The following COL1A2 variants were observed in gnomAD, a reference collection of about 807,000 sequenced individuals.
COL1A2 encodes the protein collagen type I alpha 2 chain.
A neutral mutation model predicts 174.3 loss-of-function variants in COL1A2; 49 were observed. The ratio of observed to expected loss-of-function variants is 0.28; its 90% CI spans 0.22 to 0.36. The LOEUF is 0.36. Ranked by LOEUF, COL1A2 falls within the 10% of genes least tolerant of loss-of-function variation. COL1A2 has a pLI of 1.00. For synonymous variants in COL1A2, 655 were observed against 606.6 expected (o/e 1.08, Z -1.17); for missense variants, 1,438 against 1,822.7 (o/e 0.79, Z 3.84).
intron 5 of COL1A2, among the ~76,000 whole-genome samples, chr7:94,401,197 C>G (rs1237091321): frequency 6.6e-6 from 1 of 152,098 alleles, no homozygotes; most frequent in Non-Finnish European, 1.5e-5. Flanking sequence ...AAGATGTCCT[C>G]TTGAGCTCTG....
chr7:94,396,344 C>G lies in COL1A2; in HGVS notation c.70+1243C>G, dbSNP rs62464617. On this transcript the variant is annotated intron_variant, in intron 1 of 51. Transcript: ENST00000297268. ...TGTGTGTGTGTGTGTGTGTGTGTGT[C>G]TGTGTGTCTGTGTGTCTCTTCCCCC... Among the ~76,000 whole-genome samples the G allele has an allele frequency of 8.8e-5, 9 of 102,510 alleles. No homozygotes were observed. In the East Asian group the frequency reaches 1.1e-3, roughly 13 times the overall value. 67.3% of individuals were successfully genotyped at this position (102,510 alleles called of 152,430 possible). A position where few individuals can be genotyped will look rare whatever the true frequency, so the allele number is the denominator to read the frequency against.
At chr7:94,429,119 T>TTTTTTTTG in intron 50 of COL1A2, 69 bp from the exon 51 acceptor site, 1 of 1,248,554 alleles carries the variant, frequency 8.0e-7, no homozygotes, top group African/African-American at 1.6e-5. Flanking sequence ...TTTTTTTTTT[T>TTTTTTTTG]TTTCATGTTT....
At chr7:94,405,339 T>C in intron 10 of COL1A2, 87 bp downstream of exon 10, 1 of 1,272,886 alleles carries the variant, frequency 7.9e-7, no homozygotes, top group Non-Finnish European at 1.1e-6. Flanking sequence ...AATGACAACA[T>C]AGATGTCACC....
At chr7:94,400,146 G>A in intron 4 of COL1A2, 50 bp from the exon 5 acceptor site, 1 of 1,558,236 alleles carries the variant, frequency 6.4e-7, no homozygotes, top group Non-Finnish European at 8.9e-7. Context: ...TAATTCTTAG[G>A]TTTCTACAGG....
rs1485102532 is a variant in COL1A2 at position 94,422,995 on chromosome 7, G to A, written c.2442G>A (p.Gly814=). ...SGPPGPPGPA[G]KEGLRGPRGD... Reference sequence around the variant, plus strand: ...CTCCTGGTCCCCCTGGTCCTGCTGGGAAAGAAGGGCTTCGTGGTCCTCGTG... The same window carrying A: ...CTCCTGGTCCCCCTGGTCCTGCTGGAAAAGAAGGGCTTCGTGGTCCTCGTG... The change falls in exon 40 of 52, where the codon GGG becomes GGA. Residue 814 remains glycine, a synonymous_variant. Coordinates refer to ENST00000297268, the MANE Select transcript of COL1A2 (RefSeq NM_000089.4). 1 of 1,614,050 alleles carries A rather than the reference G, an allele frequency of 6.2e-7. No individual in the cohort carries two copies. The highest frequency in any genetic ancestry group is 2.2e-5 in the East Asian group (1 of 44,878).
intron 5 of COL1A2, among the ~76,000 whole-genome samples, chr7:94,400,624 T>C (rs1791671374): frequency 3.3e-5 from 5 of 152,172 alleles, no homozygotes; most frequent in Admixed American, 3.3e-4. Flanking sequence ...GTAAGTGAAA[T>C]CCCTGATCTT....
chr7:94,420,481 C>T (rs750422516), intron 36 of COL1A2, 37 bp downstream of exon 36: 4 of 1,614,044 alleles, frequency 2.5e-6, no homozygotes, highest in Non-Finnish European at 3.4e-6. Flanking sequence ...CTGAAAACAT[C>T]CTAAGTTGGG....
At chr7:94,407,936 TTA>T (rs1281280800) in intron 13 of COL1A2, 45 bp downstream of exon 13, 1 of 1,537,690 alleles carries the variant, frequency 6.5e-7, no homozygotes, top group African/African-American at 1.4e-5. Context: ...TGTACACTCT[TTA>T]TGAGATGGAA....
Position 94,413,714 on chromosome 7 carries a change from A to G in COL1A2, c.1582A>G (p.Asn528Asp). 1 of 1,614,192 alleles carries G rather than the reference A, an allele frequency of 6.2e-7. No homozygotes were observed. The highest frequency in any genetic ancestry group is 1.3e-5 in the African/African-American group (1 of 75,038). Residue 528 changes from asparagine to aspartate, a missense_variant, in exon 27 of 52, where the codon AAT becomes GAT. Transcript: ENST00000297268. Reference sequence around the variant, plus strand: ...GGGTGCTCCAGGTCCTGATGGAAACAATGGTGCTCAGGGACCTCCTGGACC... The same window carrying G: ...GGGTGCTCCAGGTCCTGATGGAAACGATGGTGCTCAGGGACCTCCTGGACC... ...ARGAPGPDGN[N>D]GAQGPPGPQG...
chr7:94,405,562 T>C, intron 10 of COL1A2, 111 bp from the exon 11 acceptor site: 1 of 1,031,126 alleles, frequency 9.7e-7, no homozygotes, highest in Non-Finnish European at 1.5e-6. Flanking sequence ...TATACTAGAC[T>C]TTGGTTCAAA....
intron 12 of COL1A2, among the ~76,000 whole-genome samples, chr7:94,407,363 C>CTACTACTA (rs3069816): frequency 6.6e-6 from 1 of 151,516 alleles, no homozygotes. Flanking sequence ...ACTACTACTA[C>CTACTACTA]CCTGGTTTTT....
chr7:94,404,329 C>A (rs1791749954), intron 6 of COL1A2, among the ~76,000 whole-genome samples: 1 of 152,160 alleles, frequency 6.6e-6, no homozygotes, highest in Non-Finnish European at 1.5e-5. Context: ...ACCTATCTGC[C>A]CCGTCTAATT....
At chr7:94,407,944 T>C (rs1387585025) in intron 13 of COL1A2, 53 bp downstream of exon 13, 1 of 1,510,988 alleles carries the variant, frequency 6.6e-7, no homozygotes, top group African/African-American at 1.4e-5. Flanking sequence ...CTTTATGAGA[T>C]GGAACTTCTT....
chr7:94,413,828 G>A, intron 27 of COL1A2, 66 bp from the exon 28 acceptor site: 15 of 1,609,178 alleles, frequency 9.3e-6, no homozygotes, highest in Non-Finnish European at 1.2e-5. Context: ...CAGTCCAAAA[G>A]TTATACAGCT....
intron 10 of COL1A2, 50 bp from the exon 11 acceptor site, chr7:94,405,621 CTT>C (rs1031665990): frequency 1.7e-5 from 25 of 1,507,188 alleles, no homozygotes; most frequent in Middle Eastern, 1.7e-4. Flanking sequence ...AAGTCACTGT[CTT>C]TTTATTTATG....
In COL1A2 at chr7:94,404,856, T is replaced by A; in HGVS notation, c.396T>A (p.Arg132=). 1 of 1,614,078 alleles carries A rather than the reference T, an allele frequency of 6.2e-7. No homozygotes were observed. The highest frequency in any genetic ancestry group is 8.5e-7 in the Non-Finnish European group (1 of 1,179,992). ...EPGQTGPAGA[R]GPAGPPGKAG... ...TTTCTTAGGGTCCTGCAGGTGCTCG[T>A]GGTCCAGCTGGCCCTCCTGGCAAGG... Residue 132 remains arginine, a synonymous_variant, in exon 9 of 52, where the codon CGT becomes CGA. Transcript: ENST00000297268.
At chr7:94,398,187 C>G (rs568864876) in intron 2 of COL1A2, among the ~76,000 whole-genome samples, 195 bp from the exon 3 acceptor site, 32 of 151,998 alleles carry the variant, frequency 2.1e-4, no homozygotes, top group African/African-American at 7.5e-4. Flanking sequence ...ATTTTTTGTT[C>G]TGTAGGTACA....
In COL1A2 at chr7:94,413,135, G is replaced by A. The variant is rs201768205; in HGVS notation, c.1556G>A (p.Arg519Gln). 16 of 1,614,102 alleles carry A rather than the reference G, an allele frequency of 9.9e-6. No homozygotes were observed. The highest frequency in any genetic ancestry group is 1.2e-5 in the Non-Finnish European group (14 of 1,179,956). ...DKGHAGLAGA[R>Q]GAPGPDGNNG... Reference sequence around the variant, plus strand: ...GGTCATGCTGGTCTTGCTGGTGCTCGGGTAGGTGCTAACTTGTGTACAGAT... The same window carrying A: ...GGTCATGCTGGTCTTGCTGGTGCTCAGGTAGGTGCTAACTTGTGTACAGAT... Residue 519 changes from arginine to glutamine, a missense_variant and splice_region_variant, in exon 26 of 52, where the codon CGG (arginine) becomes CAG (glutamine). Coordinates refer to ENST00000297268, the MANE Select transcript of COL1A2 (RefSeq NM_000089.4).
Position 94,400,232 on chromosome 7 carries a change from G to A in COL1A2, c.169G>A (p.Gly57Ser), listed in dbSNP as rs201137000. Residue 57 changes from glycine to serine, a missense_variant, in exon 5 of 52, where the codon GGT (glycine) becomes AGT (serine). Physicochemically the swap from Gly to Ser is moderately conservative, Grantham distance 56. Coordinates refer to ENST00000297268, the MANE Select transcript of COL1A2 (RefSeq NM_000089.4). ...CCCCCCAGGCAGAGATGGTGAAGAT[G>A]GTCCCACAGGCCCTCCTGGTCCACC... ...PGPPGRDGED[G>S]PTGPPGPPGP... 6.9e-5 allele frequency: 112 copies of A among 1,612,668 alleles called. No homozygotes were observed.
Sources: gnomAD v4.1 joint callset for allele counts (sites outside exome capture counted in the v4.1 genomes callset) on GRCh38, gnomAD v4.1.1 for gene constraint, MANE v1.5 for transcripts, NCBI Gene and HGNC (gene_info 2026-07-23, HGNC 2026-07-21) for gene names.